Variants in ZBTB34 observed in about 807,000 individuals in gnomAD.
ZBTB34 encodes zinc finger and BTB domain containing 34, also known as zinc finger and BTB domain-containing protein 34.
In ZBTB34, 1 loss-of-function variant was observed where a neutral mutation model predicts 33.4. That is an observed-to-expected ratio of 0.03 (90% CI 0.01 to 0.14). The LOEUF (loss-of-function observed/expected upper bound fraction) is 0.14, where lower values mean the gene tolerates loss of function less well. ZBTB34 is among the 10% of genes least tolerant of loss of function. The pLI is 1.00. For synonymous variants in ZBTB34, 283 were observed against 253.5 expected (o/e 1.12, Z -1.11); for missense variants, 406 against 657.2 (o/e 0.62, Z 4.18).
At chr9:126,863,441 C>T (rs999740708) in intron 1 of ZBTB34, among the ~76,000 whole-genome samples, 3 of 152,186 alleles carry the variant, frequency 2.0e-5, no homozygotes, top group East Asian at 1.9e-4. Context: ...TGTGTCCCCC[C>T]ACTTTTGCCT....
intron 1 of ZBTB34, among the ~76,000 whole-genome samples, chr9:126,860,941 C>T (rs1190365040): frequency 6.6e-6 from 1 of 151,026 alleles, no homozygotes; most frequent in African/African-American, 2.4e-5. Flanking sequence ...CCGGAGGCCC[C>T]GGGCACCTGC....
chr9:126,864,619 A>T (rs904854056), intron 1 of ZBTB34, among the ~76,000 whole-genome samples: 1 of 152,162 alleles, frequency 6.6e-6, no homozygotes, highest in Non-Finnish European at 1.5e-5. Context: ...TGAGTGCTTC[A>T]TGAATATCCA....
rs1247818220 is a variant in ZBTB34 at position 126,878,742 on chromosome 9, TAGA to T, written c.-10-645_-10-643del. Among the ~76,000 whole-genome samples, 3 of 151,492 alleles carry T rather than the reference TAGA, an allele frequency of 2.0e-5. No homozygotes were observed. In the East Asian group the frequency reaches 5.8e-4, roughly 29 times the overall value. On this transcript the variant is annotated intron_variant, in intron 1 of 1. Transcript: ENST00000319119. ...TTTTGTTTTGTTTTTTTTTTTTTTT[TAGA>T]AGGAGTCTCACTCTGTCCGCTAGGC... is the stretch of plus-strand genomic sequence containing the variant.
chr9:126,879,810 T>C lies in ZBTB34; in HGVS notation c.411T>C (p.Asp137=). 6.2e-7 allele frequency: 1 copy of C among 1,613,246 alleles called. No homozygotes were observed. Among genetic ancestry groups the C allele is most frequent in the South Asian group, 1.1e-5 (1 of 91,084 alleles). ...TCCATTCCAAAATCAGCGTTGGAGA[T>C]GTTGACTCTGTTACCGTCGGTGCTG... The change falls in exon 2 of 2, where the codon GAT becomes GAC. Residue 137 remains aspartate, a synonymous_variant. Transcript: ENST00000319119. The surrounding 1 kb of genome is among the most constrained non-coding windows in gnomAD (Gnocchi z 6.4).
At chr9:126,866,722 A>T (rs1275453115) in intron 1 of ZBTB34, among the ~76,000 whole-genome samples, 2 of 152,088 alleles carry the variant, frequency 1.3e-5, no homozygotes, top group Non-Finnish European at 2.9e-5. Flanking sequence ...TCTACTCTAG[A>T]TTCCTTGGTT....
At position 126,880,879 on chromosome 9, in the gene ZBTB34, A is replaced by G; in HGVS notation, c.1480A>G (p.Met494Val). ...CTCAGAGATGGGCCTAGATTCCCGG[A>G]TGGAAATTCACACAGTGTCTGATGC... Residue 494 changes from methionine (M) to valine (V), a missense_variant, in exon 2 of 2, where the codon ATG becomes GTG. Physicochemically the swap from Met to Val is conservative, Grantham distance 21. This residue lies in a region of ZBTB34 where 58 missense variants were observed against 58.7 expected (regional missense o/e 0.99). Coordinates refer to ENST00000319119, the Ensembl canonical transcript of ZBTB34. The surrounding 1 kb of genome is among the most constrained non-coding windows in gnomAD (Gnocchi z 6.7). 1.9e-6 allele frequency: 3 copies of G among 1,612,926 alleles called. No homozygotes were observed. Among genetic ancestry groups the G allele is most frequent in the Non-Finnish European group, 2.5e-6 (3 of 1,179,642 alleles).
Position 126,880,182 on chromosome 9 carries a change from C to T in ZBTB34, c.783C>T (p.Tyr261=). ...GCTCCTCCCTGGGTGACGATGGGTA[C>T]CACACCGAGATGGTTGATGGGGAAC... Residue 261 remains tyrosine (Y), a synonymous_variant, in exon 2 of 2, where the codon TAC becomes TAT. Coordinates refer to ENST00000319119, the Ensembl canonical transcript of ZBTB34. This position sits in a 1 kb window ranked among gnomAD's most constrained non-coding sequence, Gnocchi z 6.7. The T allele has an allele frequency of 6.2e-7, 1 of 1,613,744 alleles. No individual in the cohort carries two copies.
chr9:126,879,711 C>A lies in ZBTB34; in HGVS notation c.312C>A (p.Val104=). 1 of 1,613,538 alleles carries A rather than the reference C, an allele frequency of 6.2e-7. No homozygotes were observed. Among genetic ancestry groups the A allele is most frequent in the Non-Finnish European group, 8.5e-7 (1 of 1,179,896 alleles). Residue 104 remains valine (V), a synonymous_variant, in exon 2 of 2, where the codon GTC becomes GTA. Transcript: ENST00000319119. The surrounding 1 kb of genome is among the most constrained non-coding windows in gnomAD (Gnocchi z 6.4). The stretch of plus-strand genomic sequence containing the variant: ...TGTCCTTGCAGCTGAAGGATGTTGT[C>A]AGTTTTCTGACTGCAGCCAGCTTTC...
intron 1 of ZBTB34, among the ~76,000 whole-genome samples, chr9:126,861,489 C>CT (rs1554746440): frequency 6.6e-6 from 1 of 152,108 alleles, no homozygotes; most frequent in Non-Finnish European, 1.5e-5. Context: ...ATTTAACTCT[C>CT]TAAGAACCCT....
intron 1 of ZBTB34, among the ~76,000 whole-genome samples, chr9:126,865,272 G>A (rs1395548601): frequency 6.6e-6 from 1 of 152,204 alleles, no homozygotes; most frequent in Admixed American, 6.5e-5. Context: ...GGCAGTCCAT[G>A]GATCTTGAGC....
At chr9:126,872,165 G>C (rs1200205471) in intron 1 of ZBTB34, among the ~76,000 whole-genome samples, 2 of 152,060 alleles carry the variant, frequency 1.3e-5, no homozygotes, top group Non-Finnish European at 2.9e-5. Context: ...TGGCCAGGCT[G>C]GTCTCGACCT....
At chr9:126,874,455 C>A (rs902106146) in intron 1 of ZBTB34, among the ~76,000 whole-genome samples, 17 of 152,120 alleles carry the variant, frequency 1.1e-4, no homozygotes, top group African/African-American at 4.1e-4. Flanking sequence ...AGTTGTATTT[C>A]TTCTGTAGTT....
chr9:126,884,029 G>A (rs553655111), exon 2 of ZBTB34: 9 of 167,186 alleles, frequency 5.4e-5, no homozygotes, highest in African/African-American at 2.2e-4. Context: ...CCCTATTTCT[G>A]TACAGTTTTA....
At chr9:126,870,874 TGGAGG>T (rs2033268095) in intron 1 of ZBTB34, among the ~76,000 whole-genome samples, 1 of 150,782 alleles carries the variant, frequency 6.6e-6, no homozygotes, top group African/African-American at 2.4e-5. Context: ...TTGCCTTGAG[TGGAGG>T]TTGCACCACT....
rs118134325 is a variant in ZBTB34 at position 126,863,778 on chromosome 9, C to G, written c.-11+3039C>G. The stretch of plus-strand genomic sequence containing the variant: ...AATGTATTTTCCAGGGCCAGTGCCC[C>G]TGAAATGCTAGCCAGCAGTAAGCAG... On this transcript the variant is annotated intron_variant, in intron 1 of 1. Transcript: ENST00000319119. 3,054 of 920,218 alleles carry G rather than the reference C, an allele frequency of 3.3e-3. 107 individuals carry two copies. The East Asian group carries it at 0.1, about 31-fold the overall frequency. 57.0% of individuals were successfully genotyped at this position (920,218 alleles called of 1,614,324 possible). A position where few individuals can be genotyped will look rare whatever the true frequency, so the allele number is the denominator to read the frequency against.
chr9:126,879,494 A>G lies in ZBTB34; in HGVS notation c.95A>G (p.Gln32Arg), dbSNP rs1257581456. The G allele has an allele frequency of 6.2e-7, 1 of 1,613,936 alleles. No individual in the cohort carries two copies. The highest frequency in any genetic ancestry group is 1.7e-5 in the Admixed American group (1 of 60,012). ...AGCCAGCTAAACGAACTCCGCCTGC[A>G]GGGGAAACTATGTGACATCATTGTA... The change falls in exon 2 of 2, where the codon CAG (glutamine) becomes CGG (arginine). Residue 32 changes from glutamine (Q) to arginine (R), a missense_variant. Gln to Arg is a conservative substitution (Grantham distance 43). Coordinates refer to ENST00000319119, the Ensembl canonical transcript of ZBTB34. The surrounding 1 kb of genome is among the most constrained non-coding windows in gnomAD (Gnocchi z 6.4).
intron 1 of ZBTB34, among the ~76,000 whole-genome samples, chr9:126,877,816 C>T (rs1004641787): frequency 1.4e-5 from 2 of 147,732 alleles, no homozygotes; most frequent in African/African-American, 5.0e-5. Flanking sequence ...ACCAGCCTGG[C>T]TAACATGGTG....
rs774819163 is a variant in ZBTB34 at position 126,879,576 on chromosome 9, A to G, written c.177A>G (p.Pro59=). The G allele has an allele frequency of 1.2e-6, 2 of 1,613,916 alleles. No individual in the cohort carries two copies. The highest frequency in any genetic ancestry group is 2.2e-5 in the East Asian group (1 of 44,892). Residue 59 remains proline (P), a synonymous_variant, in exon 2 of 2, where the codon CCA becomes CCG. Coordinates refer to ENST00000319119, the Ensembl canonical transcript of ZBTB34. This position sits in a 1 kb window ranked among gnomAD's most constrained non-coding sequence, Gnocchi z 6.4. ...AAGCAGTCCTTGCTGCCAGCTCCCC[A>G]TATTTCCGGGACCATTCAGCGTTAA...
Position 126,880,867 on chromosome 9 carries a change from C to T in ZBTB34, c.1468C>T (p.Leu490=), listed in dbSNP as rs2033430398. 1 of 1,613,094 alleles carries T rather than the reference C, an allele frequency of 6.2e-7. No homozygotes were observed. Reference sequence around the variant, plus strand: ...TGACGCATCGGCCTCAGAGATGGGCCTAGATTCCCGGATGGAAATTCACAC... The same window carrying T: ...TGACGCATCGGCCTCAGAGATGGGCTTAGATTCCCGGATGGAAATTCACAC... The change falls in exon 2 of 2, where the codon CTA becomes TTA. Residue 490 remains leucine, a synonymous_variant. Transcript: ENST00000319119. The surrounding 1 kb of genome is among the most constrained non-coding windows in gnomAD (Gnocchi z 6.7).
Sources: allele counts gnomAD v4.1 joint callset (sites outside exome capture counted in the v4.1 genomes callset), GRCh38; gene constraint gnomAD v4.1.1; regional missense constraint gnomAD v4.1.1; non-coding constraint Gnocchi (gnomAD v3.1); transcripts MANE v1.5; gene names NCBI Gene and HGNC (gene_info 2026-07-23, HGNC 2026-07-21).